The following DDR1 variants were observed in gnomAD, a reference collection of about 807,000 sequenced individuals.
DDR1 encodes the protein discoidin domain receptor tyrosine kinase 1.
DDR1 carries 64 observed loss-of-function variants against 97.4 expected under a neutral mutation model. The observed-to-expected ratio is 0.66, with a 90% CI of 0.54 to 0.81. DDR1 has a LOEUF of 0.81. Ranked by LOEUF, DDR1 falls within the 30% of genes least tolerant of loss-of-function variation. The probability of loss-of-function intolerance (pLI) is 0.00; values close to 1 mark genes in which losing one functional copy is unlikely to be tolerated. For missense variants in DDR1, 990 were observed against 1,259.6 expected (o/e 0.79, Z 3.24); for synonymous variants, 458 against 503.7 (o/e 0.91, Z 1.21).
chr6:30,892,508 C>T lies in DDR1; in HGVS notation c.1065C>T (p.Pro355=). 3.1e-6 allele frequency: 5 copies of T among 1,603,810 alleles called. No individual in the cohort carries two copies. Among genetic ancestry groups the T allele is most frequent in the Non-Finnish European group, 4.3e-6 (5 of 1,174,218 alleles). The change falls in exon 8 of 18, where the codon CCC becomes CCT. Residue 355 remains proline, a synonymous_variant. Coordinates refer to ENST00000376568, the MANE Select transcript of DDR1 (RefSeq NM_001297654.2). ...AGTGCCGCTTCCTCTTTGCGGGGCC[C>T]TGGTTACTCTTCAGCGAAATCTCCT... ...FLQCRFLFAG[P]WLLFSEISFI...
chr6:30,896,980 T>C (rs2150431283), intron 13 of DDR1, 34 bp from the exon 14 acceptor site: 2 of 1,601,232 alleles, frequency 1.2e-6, no homozygotes, highest in South Asian at 1.1e-5. Flanking sequence ...CGTTTGACCC[T>C]GTGACCGCCT....
rs749476480 is a variant in DDR1, at chr6:30,892,330, G to A, written c.887G>A (p.Arg296His). 8.3e-6 allele frequency: 13 copies of A among 1,574,424 alleles called. No homozygotes were observed. The highest frequency in any genetic ancestry group is 6.7e-5 in the African/African-American group (5 of 74,232). Residue 296 changes from arginine to histidine, a missense_variant, in exon 8 of 18, where the codon CGT becomes CAT. Coordinates refer to ENST00000376568, the MANE Select transcript of DDR1 (RefSeq NM_001297654.2). The part of the protein sequence containing the change: ...HCNNMHTLGA[R>H]LPGGVECRFR... ...AACAACATGCACACGCTGGGAGCCC[G>A]TCTGCCTGGCGGGGTGGAATGTCGC...
rs763325109 is a variant in DDR1 at position 30,893,343 on chromosome 6, C to T, written c.1267C>T (p.Leu423=). ...CCCGACCGCCATCCTCATCGGCTGC[C>T]TGGTGGCCATCATCCTGCTCCTGCT... ...GSPTAILIGC[L]VAIILLLLLI... Residue 423 remains leucine, a synonymous_variant, in exon 10 of 18, where the codon CTG becomes TTG. Transcript: ENST00000376568. The T allele has an allele frequency of 6.2e-7, 1 of 1,608,124 alleles. No individual in the cohort carries two copies. The highest frequency in any genetic ancestry group is 1.1e-5 in the South Asian group (1 of 91,038).
chr6:30,891,955 A>G lies in DDR1; in HGVS notation c.666-47A>G, dbSNP rs1788553184. The G allele has an allele frequency of 6.2e-7, 1 of 1,602,994 alleles. No homozygotes were observed. The highest frequency in any genetic ancestry group is 8.5e-7 in the Non-Finnish European group (1 of 1,172,082). ...CGGAGCAGAATGCCTGGATGTCAAG[A>G]CCCTCTTCCCTTCCAACCTCCTCTT... On this transcript the variant is annotated intron_variant, in intron 6 of 17. Coordinates refer to ENST00000376568, the MANE Select transcript of DDR1 (RefSeq NM_001297654.2). The surrounding 1 kb of genome is among the most constrained non-coding windows in gnomAD (Gnocchi z 5.3).
In DDR1 at chr6:30,898,134, C is replaced by G. The variant is rs757177405; in HGVS notation, c.2278C>G (p.Leu760Val). The G allele has an allele frequency of 6.2e-6, 10 of 1,614,164 alleles. No homozygotes were observed. In the South Asian group the frequency reaches 1.1e-4, roughly 18 times the overall value. Reference sequence around the variant, plus strand: ...CTCCGGCATGCGCTATCTGGCCACACTCAACTTTGTACATCGGGACCTGGC... The same window carrying G: ...CTCCGGCATGCGCTATCTGGCCACAGTCAACTTTGTACATCGGGACCTGGC... ...IASGMRYLAT[L>V]NFVHRDLATR... The change falls in exon 16 of 18, where the codon CTC becomes GTC. Residue 760 changes from leucine to valine, a missense_variant. Transcript: ENST00000376568.
rs990015050 is a variant in DDR1 at position 30,891,318 on chromosome 6, G to C, written c.566-62G>C. 37 of 1,475,942 alleles carry C rather than the reference G, an allele frequency of 2.5e-5. No homozygotes were observed. Among genetic ancestry groups the C allele is most frequent in the Non-Finnish European group, 2.6e-5 (28 of 1,063,912 alleles). 91.4% of individuals were successfully genotyped at this position (1,475,942 alleles called of 1,614,324 possible). On this transcript the variant is annotated intron_variant, in intron 5 of 17. Transcript: ENST00000376568. This position sits in a 1 kb window ranked among gnomAD's most constrained non-coding sequence, Gnocchi z 5.3. ...AGGGACCTGAAACCTGCCCAGGCCT[G>C]ATGCAGGGATGGGGGATGGAGCCTT...
chr6:30,895,657 C>T, intron 12 of DDR1, 143 bp downstream of exon 12: 1 of 539,634 alleles, frequency 1.9e-6, no homozygotes, highest in East Asian at 3.2e-5. Flanking sequence ...GCTCTTGTGC[C>T]CTTAGCTCAT....
At chr6:30,885,594 G>A in intron 1 of DDR1, 1 of 1,395,972 alleles carries the variant, frequency 7.2e-7, no homozygotes, top group Non-Finnish European at 9.4e-7. Flanking sequence ...GGTCACAGGA[G>A]CATGTGGTGT....
In DDR1 at chr6:30,892,403, CA is replaced by C; in HGVS notation, c.962del (p.Asn321ThrfsTer2). 1 of 1,600,186 alleles carries C rather than the reference CA, an allele frequency of 6.2e-7. No individual in the cohort carries two copies. Reference sequence around the variant, plus strand: ...CCTGGGAGGGGGAGCCCATGCGCCACAACCTAGGGGGCAACCTGGGGGACCC... The same window carrying C: ...CCTGGGAGGGGGAGCCCATGCGCCACACCTAGGGGGCAACCTGGGGGACCC... Reference protein sequence around the residue: ...MAWEGEPMRHNLGGNLGDPRA... With the variant: ...MAWEGEPMRHXLGGNLGDPRA... On this transcript the variant is annotated frameshift_variant, in exon 8 of 18. Transcript: ENST00000376568. LOFTEE classifies it high-confidence loss of function.
rs1459046280 is a variant in DDR1, at chr6:30,894,744, C to CT, written c.1513+80dup. ...TCTTATTGTATCCCTTTCCCATTCT[C>CT]TTTTTTTCCTGTCTTCCCCAGTTTC... On this transcript the variant is annotated intron_variant, in intron 11 of 17. Transcript: ENST00000376568. The surrounding 1 kb of genome is among the most constrained non-coding windows in gnomAD (Gnocchi z 5.7). 1.4e-5 allele frequency: 20 copies of CT among 1,452,062 alleles called. No homozygotes were observed. The highest frequency in any genetic ancestry group is 1.8e-5 in the Non-Finnish European group (20 of 1,090,144). 89.9% of individuals were successfully genotyped at this position (1,452,062 alleles called of 1,614,324 possible).
chr6:30,889,251 T>C lies in DDR1; in HGVS notation c.238T>C (p.Phe80Leu). Residue 80 changes from phenylalanine (F) to leucine (L), a missense_variant, in exon 4 of 18, where the codon TTT becomes CTT. Transcript: ENST00000376568. This position sits in a 1 kb window ranked among gnomAD's most constrained non-coding sequence, Gnocchi z 4.9. The part of the protein sequence containing the change: ...DGAWCPAGSV[F>L]PKEEEYLQVD... ...GGCCTGGTGCCCCGCAGGGTCGGTG[T>C]TTCCCAAGGAGGAGGAGTACTTGCA... 6.2e-7 allele frequency: 1 copy of C among 1,613,030 alleles called. No homozygotes were observed.
intron 1 of DDR1, chr6:30,885,770 G>A (rs1410240281): frequency 9.3e-6 from 12 of 1,292,154 alleles, no homozygotes; most frequent in Non-Finnish European, 1.1e-5. Flanking sequence ...AGAGGTGGGT[G>A]TGTGCATGCC....
In DDR1 at chr6:30,898,261, G is replaced by A. The variant is rs750285936; in HGVS notation, c.2405G>A (p.Arg802Gln). 11 of 1,614,198 alleles carry A rather than the reference G, an allele frequency of 6.8e-6. No homozygotes were observed. Among genetic ancestry groups the A allele is most frequent in the Admixed American group, 1.7e-5 (1 of 60,026 alleles). The change falls in exon 16 of 18, where the codon CGG becomes CAG. Residue 802 changes from arginine (R) to glutamine (Q), a missense_variant. Coordinates refer to ENST00000376568, the MANE Select transcript of DDR1 (RefSeq NM_001297654.2). ...GGGGACTATTACCGTGTGCAGGGCCGGGCAGTGCTGCCCATCCGCTGGATG... is the reference window on the plus strand; with the variant it reads ...GGGGACTATTACCGTGTGCAGGGCCAGGCAGTGCTGCCCATCCGCTGGATG... ...YAGDYYRVQGRAVLPIRWMAW... is the reference protein window; with the variant it reads ...YAGDYYRVQGQAVLPIRWMAW...
rs144868912 is a variant in DDR1 at position 30,897,438 on chromosome 6, G to C, written c.2057G>C (p.Arg686Pro). The change falls in exon 15 of 18, where the codon CGG (arginine) becomes CCG (proline). Residue 686 changes from arginine to proline, a missense_variant. Arg to Pro is a moderately radical substitution (Grantham distance 103). Coordinates refer to ENST00000376568, the MANE Select transcript of DDR1 (RefSeq NM_001297654.2). The surrounding 1 kb of genome is among the most constrained non-coding windows in gnomAD (Gnocchi z 5.2). ...MSRLKDPNII[R>P]LLGVCVQDDP... Reference sequence around the variant, plus strand: ...AGGCTCAAGGACCCAAACATCATTCGGCTGCTGGGCGTGTGTGTGCAGGAC... The same window carrying C: ...AGGCTCAAGGACCCAAACATCATTCCGCTGCTGGGCGTGTGTGTGCAGGAC... 4.7e-5 allele frequency: 76 copies of C among 1,614,154 alleles called. No individual in the cohort carries two copies. The African/African-American group carries it at 9.9e-4, about 21-fold the overall frequency.
intron 1 of DDR1, chr6:30,885,579 CT>C: frequency 1.4e-6 from 2 of 1,406,244 alleles, no homozygotes; most frequent in African/African-American, 1.4e-5. Context: ...CTCATGCTGT[CT>C]TTTGGTCACA....
At position 30,890,694 on chromosome 6, in the gene DDR1, A is replaced by T. The variant is rs1042496134; in HGVS notation, c.418-279A>T. The T allele has an allele frequency of 2.8e-5, 12 of 421,382 alleles. No individual in the cohort carries two copies. Among genetic ancestry groups the T allele is most frequent in the African/African-American group, 2.3e-4 (11 of 48,876 alleles). 26.1% of individuals were successfully genotyped at this position (421,382 alleles called of 1,614,324 possible). A position where few individuals can be genotyped will look rare whatever the true frequency, so the allele number is the denominator to read the frequency against. The stretch of plus-strand genomic sequence containing the variant: ...GAGAATCTGGGCACAATGGGATGAT[A>T]GGCTTGGAGACAAATGGATGGAGCC... On this transcript the variant is annotated intron_variant, in intron 4 of 17. Coordinates refer to ENST00000376568, the MANE Select transcript of DDR1 (RefSeq NM_001297654.2). The surrounding 1 kb of genome is among the most constrained non-coding windows in gnomAD (Gnocchi z 5.0).
chr6:30,888,896 C>T lies in DDR1; in HGVS notation c.86-12C>T. The stretch of plus-strand genomic sequence containing the variant: ...GGGGCCTTGACCTGTTACATGCCTG[C>T]TTTTTACTCAGCCAAGTGCCGCTAT... On this transcript the variant is annotated splice_polypyrimidine_tract_variant and intron_variant, in intron 2 of 17. Transcript: ENST00000376568. This position sits in a 1 kb window ranked among gnomAD's most constrained non-coding sequence, Gnocchi z 4.2. 6.2e-7 allele frequency: 1 copy of T among 1,612,980 alleles called. No homozygotes were observed. The highest frequency in any genetic ancestry group is 8.5e-7 in the Non-Finnish European group (1 of 1,179,990).
chr6:30,893,285 A>G lies in DDR1; in HGVS notation c.1209A>G (p.Arg403=). 1 of 1,605,154 alleles carries G rather than the reference A, an allele frequency of 6.2e-7. No homozygotes were observed. The highest frequency in any genetic ancestry group is 8.5e-7 in the Non-Finnish European group (1 of 1,179,626). The stretch of plus-strand genomic sequence containing the variant: ...TGCCTCCACCAGAGCTGGAGCCCAG[A>G]GGCCAGCAGCCCGTGGCCAAGGCCG... ...TNFSSLELEP[R]GQQPVAKAEG... is the part of the protein sequence containing the mutation. Residue 403 remains arginine (R), a synonymous_variant, in exon 10 of 18, where the codon AGA becomes AGG. Coordinates refer to ENST00000376568, the MANE Select transcript of DDR1 (RefSeq NM_001297654.2).
At position 30,886,187 on chromosome 6, in the gene DDR1, G is replaced by T. The variant is rs943826292; in HGVS notation, c.-43+1477G>T. Among the ~76,000 whole-genome samples, 2 of 152,086 alleles carry T rather than the reference G, an allele frequency of 1.3e-5. No individual in the cohort carries two copies. The highest frequency in any genetic ancestry group is 2.9e-5 in the Non-Finnish European group (2 of 67,998). The stretch of plus-strand genomic sequence containing the variant: ...TGTGGCTCTCGCTCTGTCTCCGCCT[G>T]CCTCGTATCCTCTGCCTGCCTTTGT... On this transcript the variant is annotated intron_variant, in intron 1 of 17. Transcript: ENST00000376568. The surrounding 1 kb of genome is among the most constrained non-coding windows in gnomAD (Gnocchi z 4.6).
Sources: allele counts gnomAD v4.1 joint callset (sites outside exome capture counted in the v4.1 genomes callset), GRCh38; gene constraint gnomAD v4.1.1; non-coding constraint Gnocchi (gnomAD v3.1); transcripts MANE v1.5; gene names NCBI Gene and HGNC (gene_info 2026-07-23, HGNC 2026-07-21).